MPZL1: variants seen among roughly 807,000 people sequenced by gnomAD.
MPZL1 encodes the protein myelin protein zero-like protein 1.
A neutral mutation model predicts 29.3 loss-of-function variants in MPZL1; 16 were observed. The observed-to-expected ratio is 0.55, with a 90% CI of 0.37 to 0.83. The LOEUF (loss-of-function observed/expected upper bound fraction) is 0.83. Among genes scored for constraint, MPZL1 ranks in the 40% least tolerant of loss-of-function variants. MPZL1 has a pLI of 0.00. For synonymous variants in MPZL1, 143 were observed against 132.0 expected, an observed-to-expected ratio of 1.08 and a Z score of -0.57; for missense variants, 279 against 332.9, an observed-to-expected ratio of 0.84 and a Z score of 1.26.
chr1:167,750,735 C>G (rs1571148536), intron 1 of MPZL1, among the ~76,000 whole-genome samples: 1 of 152,198 alleles, frequency 6.6e-6, no homozygotes, highest in Non-Finnish European at 1.5e-5. Flanking sequence ...AGTAACAGTA[C>G]TGTTATCTAA....
chr1:167,758,900 AAGCTC>A (rs1483396290), intron 1 of MPZL1, among the ~76,000 whole-genome samples: 1 of 152,230 alleles, frequency 6.6e-6, no homozygotes, highest in African/African-American at 2.4e-5. Context: ...GAGAGAAAGT[AAGCTC>A]AGCTCTCATT....
At chr1:167,779,096 T>G (rs1176582765) in intron 5 of MPZL1, among the ~76,000 whole-genome samples, 6 of 151,130 alleles carry the variant, frequency 4.0e-5, no homozygotes, top group Non-Finnish European at 7.4e-5. Context: ...TACTCCAGCC[T>G]GGGCAACAGA....
intron 1 of MPZL1, among the ~76,000 whole-genome samples, chr1:167,734,893 C>T (rs1379057912): frequency 2.0e-5 from 3 of 152,216 alleles, no homozygotes; most frequent in Non-Finnish European, 2.9e-5. Context: ...TCCCACATTT[C>T]TCCATTCCAA....
intron 1 of MPZL1, among the ~76,000 whole-genome samples, chr1:167,735,347 A>G (rs1660356376): frequency 6.6e-6 from 1 of 152,194 alleles, no homozygotes; most frequent in Non-Finnish European, 1.5e-5. Flanking sequence ...GGAAATAGTC[A>G]TTAGTGTCCT....
At chr1:167,728,332 A>AT (rs1358579096) in intron 1 of MPZL1, among the ~76,000 whole-genome samples, 1 of 135,626 alleles carries the variant, frequency 7.4e-6, no homozygotes, top group East Asian at 2.1e-4. Flanking sequence ...CCCTGCCCAA[A>AT]TTTTTTTTCT....
intron 1 of MPZL1, among the ~76,000 whole-genome samples, chr1:167,752,724 T>C (rs986410503): frequency 6.6e-6 from 1 of 152,216 alleles, no homozygotes; most frequent in African/African-American, 2.4e-5. Flanking sequence ...CAATACTCTT[T>C]TGCCAGATTT....
At chr1:167,728,232 G>T (rs572662889) in intron 1 of MPZL1, among the ~76,000 whole-genome samples, 1 of 151,780 alleles carries the variant, frequency 6.6e-6, no homozygotes, top group South Asian at 2.1e-4. Flanking sequence ...AGTAGTGATG[G>T]AATTTTGCCA....
intron 1 of MPZL1, among the ~76,000 whole-genome samples, chr1:167,743,565 A>T (rs1213225185): frequency 2.0e-5 from 3 of 150,334 alleles, no homozygotes; most frequent in Non-Finnish European, 4.5e-5. Flanking sequence ...TGTTTATGTC[A>T]TCTGTGATTT....
In MPZL1 at chr1:167,788,184, C is replaced by G. The variant is rs544233422; in HGVS notation, c.*263C>G. The G allele has an allele frequency of 2.2e-5, 8 of 356,572 alleles. No individual in the cohort carries two copies. Among genetic ancestry groups the G allele is most frequent in the African/African-American group, 1.7e-4 (8 of 48,050 alleles). The allele number at this position is 356,572 out of a possible 1,614,324, so 22.1% of individuals were successfully genotyped here. ...CATTGTCTTGCTGTTTTTGTACTTTCTTTTCAGGTCATTTACAATTGGGAG... is the reference window on the plus strand; with the variant it reads ...CATTGTCTTGCTGTTTTTGTACTTTGTTTTCAGGTCATTTACAATTGGGAG... On this transcript the variant is annotated 3_prime_UTR_variant, in exon 6 of 6. Coordinates refer to ENST00000359523, the MANE Select transcript of MPZL1 (RefSeq NM_003953.6).
rs948926638 is a variant in MPZL1, at chr1:167,771,161, C to T, written c.259-1114C>T. Among the ~76,000 whole-genome samples, 6 of 151,818 alleles carry T rather than the reference C, an allele frequency of 4.0e-5. 1 individual carries two copies. Among genetic ancestry groups the T allele is most frequent in the Non-Finnish European group, 7.4e-5 (5 of 68,000 alleles). The stretch of plus-strand genomic sequence containing the variant: ...TGCGGCCTTCCGCAGTGTTTGTGTC[C>T]CTGGGTACTTGAGATTAGGGAGTGG... On this transcript the variant is annotated intron_variant, in intron 2 of 5. Transcript: ENST00000359523.
intron 2 of MPZL1, among the ~76,000 whole-genome samples, chr1:167,771,399 CA>C (rs1661244885): frequency 6.6e-6 from 1 of 152,220 alleles, no homozygotes; most frequent in African/African-American, 2.4e-5. Context: ...CTTCTTTCTA[CA>C]CAGACACAGT....
intron 1 of MPZL1, among the ~76,000 whole-genome samples, chr1:167,726,643 C>A (rs1202452128): frequency 6.6e-6 from 1 of 152,140 alleles, no homozygotes; most frequent in African/African-American, 2.4e-5. Context: ...ATTATCAGTT[C>A]CCTTGGCCTT....
intron 1 of MPZL1, among the ~76,000 whole-genome samples, chr1:167,741,106 T>A (rs955675316): frequency 2.0e-5 from 3 of 152,076 alleles, no homozygotes; most frequent in Non-Finnish European, 2.9e-5. Context: ...AGCCTTGAAC[T>A]CTTGGGCTCA....
chr1:167,754,201 G>C (rs144986097), intron 1 of MPZL1, among the ~76,000 whole-genome samples: 1 of 151,748 alleles, frequency 6.6e-6, no homozygotes, highest in Non-Finnish European at 1.5e-5. Context: ...GTTTCACCAT[G>C]TTGCCCAGGC....
chr1:167,754,593 A>G (rs1043856310), intron 1 of MPZL1, among the ~76,000 whole-genome samples: 2 of 152,242 alleles, frequency 1.3e-5, no homozygotes, highest in African/African-American at 4.8e-5. Context: ...AGGTTCATGC[A>G]TGTGCACTAA....
chr1:167,732,581 A>G (rs752001932), intron 1 of MPZL1, among the ~76,000 whole-genome samples: 1 of 152,092 alleles, frequency 6.6e-6, no homozygotes, highest in Non-Finnish European at 1.5e-5. Context: ...GTCTCCAAGT[A>G]CCTGGGACTA....
At chr1:167,756,647 T>A (rs1214251187) in intron 1 of MPZL1, among the ~76,000 whole-genome samples, 1 of 152,166 alleles carries the variant, frequency 6.6e-6, no homozygotes, top group Non-Finnish European at 1.5e-5. Context: ...GCAAGTTGAT[T>A]TTTATGGCTG....
Position 167,776,107 on chromosome 1 carries a change from C to G in MPZL1, c.649C>G (p.Arg217Gly). The change falls in exon 5 of 6, where the codon CGG (arginine) becomes GGG (glycine). Residue 217 changes from arginine (R) to glycine (G), a missense_variant. By Grantham distance (125) the Arg-to-Gly change is moderately radical. Coordinates refer to ENST00000359523, the MANE Select transcript of MPZL1 (RefSeq NM_003953.6). ...TTTGTCACCAGTTAAGCAGGCTCCT[C>G]GGAAGTCCCCCTCCGACACTGAGGG... Reference protein sequence around the residue: ...ESLSPVKQAPRKSPSDTEGLV... With the variant: ...ESLSPVKQAPGKSPSDTEGLV... 6.2e-7 allele frequency: 1 copy of G among 1,612,622 alleles called. No individual in the cohort carries two copies. The highest frequency in any genetic ancestry group is 8.5e-7 in the Non-Finnish European group (1 of 1,179,192).
At chr1:167,754,511 A>G (rs1427629878) in intron 1 of MPZL1, among the ~76,000 whole-genome samples, 1 of 152,236 alleles carries the variant, frequency 6.6e-6, no homozygotes, top group African/African-American at 2.4e-5. Flanking sequence ...CTCTGCCGAC[A>G]TGTAAACTTA....
Sources: gnomAD v4.1 joint callset for allele counts (sites outside exome capture counted in the v4.1 genomes callset) on GRCh38, gnomAD v4.1.1 for gene constraint, MANE v1.5 for transcripts, NCBI Gene and HGNC (gene_info 2026-07-23, HGNC 2026-07-21) for gene names.